SOX5: variants seen among roughly 807,000 people sequenced by gnomAD.
SOX5 encodes the protein transcription factor SOX-5.
In SOX5, 9 loss-of-function variants were observed where a neutral mutation model predicts 92.0. The ratio of observed to expected loss-of-function variants is 0.10; its 90% CI spans 0.06 to 0.17. The LOEUF (loss-of-function observed/expected upper bound fraction) is 0.17. Ranked by LOEUF, SOX5 falls within the 10% of genes least tolerant of loss-of-function variation. SOX5 has a pLI of 1.00. For missense variants in SOX5, 642 were observed against 944.5 expected, an observed-to-expected ratio of 0.68 and a Z score of 4.20; for synonymous variants, 344 against 336.3, an observed-to-expected ratio of 1.02 and a Z score of -0.25.
At chr12:23,857,661 A>G (rs1404940989) in intron 2 of SOX5, among the ~76,000 whole-genome samples, 2 of 152,184 alleles carry the variant, frequency 1.3e-5, no homozygotes, top group Non-Finnish European at 2.9e-5. Context: ...GCTAATAGCC[A>G]CTTTTAGATG....
intron 6 of SOX5, among the ~76,000 whole-genome samples, chr12:23,681,711 T>C (rs2086654460): frequency 6.6e-6 from 1 of 151,826 alleles, no homozygotes; most frequent in East Asian, 1.9e-4. Flanking sequence ...ATTCAAACTT[T>C]AGTGTTATAG....
intron 3 of SOX5, among the ~76,000 whole-genome samples, chr12:23,837,966 A>G (rs930515652): frequency 1.1e-3 from 140 of 123,798 alleles, no homozygotes; most frequent in African/African-American, 4.3e-3. Flanking sequence ...ATATGTTTAT[A>G]TTTATATAAT....
chr12:24,470,382 G>C (rs1422595226), intron 1 of SOX5, among the ~76,000 whole-genome samples: 1 of 152,174 alleles, frequency 6.6e-6, no homozygotes, highest in Non-Finnish European at 1.5e-5. Context: ...ATAATCAAGA[G>C]AAGTAAATTT....
rs577424161 is a variant in SOX5 at position 24,494,469 on chromosome 12, C to T, written c.-251+67860G>A. On this transcript the variant is annotated intron_variant, in intron 1 of 4. Transcript: ENST00000446891. ...TATAACAACAGTATGAAACAGATAG[C>T]ATAGTTTATTATTATCATAGTTCAT... Among the ~76,000 whole-genome samples the T allele has an allele frequency of 4.3e-4, 66 of 152,262 alleles. 1 individual carries two copies. The South Asian group carries it at 0.012, about 28-fold the overall frequency.
At chr12:23,534,730 A>T (rs1591819420) in intron 14 of SOX5, among the ~76,000 whole-genome samples, 1 of 121,492 alleles carries the variant, frequency 8.2e-6, no homozygotes, top group Non-Finnish European at 1.6e-5. Flanking sequence ...TTTTGAGATG[A>T]CGTAGTTTCG....
chr12:24,203,865 G>A (rs1035578119), intron 4 of SOX5, among the ~76,000 whole-genome samples: 33 of 152,184 alleles, frequency 2.2e-4, no homozygotes, highest in African/African-American at 7.5e-4. Flanking sequence ...TAAGAATATG[G>A]TTAAGTTTTC....
intron 6 of SOX5, among the ~76,000 whole-genome samples, chr12:23,725,833 G>A (rs898257400): frequency 6.6e-6 from 1 of 152,118 alleles, no homozygotes; most frequent in Non-Finnish European, 1.5e-5. Context: ...AAAGCAAACT[G>A]TGCTGGACTG....
intron 4 of SOX5, among the ~76,000 whole-genome samples, chr12:24,207,759 T>C (rs997119178): frequency 2.0e-5 from 3 of 152,184 alleles, no homozygotes; most frequent in Non-Finnish European, 2.9e-5. Flanking sequence ...CACCCTCGTC[T>C]TGCAGGCTAT....
chr12:23,918,322 G>A (rs1002529229), intron 1 of SOX5, among the ~76,000 whole-genome samples: 1 of 152,068 alleles, frequency 6.6e-6, no homozygotes, highest in Admixed American at 6.6e-5. Context: ...TTCTAATTCG[G>A]GGTAACAACG....
At chr12:23,834,779 T>C (rs1403757531) in intron 3 of SOX5, among the ~76,000 whole-genome samples, 1 of 151,782 alleles carries the variant, frequency 6.6e-6, no homozygotes, top group Non-Finnish European at 1.5e-5. Context: ...AATAGACTTG[T>C]AGATAGAAGG....
chr12:23,823,929 T>C (rs905198646), intron 3 of SOX5, among the ~76,000 whole-genome samples: 1 of 152,244 alleles, frequency 6.6e-6, no homozygotes, highest in Non-Finnish European at 1.5e-5. Context: ...TTGCGTATGC[T>C]TCACGAAGTT....
chr12:23,685,035 A>G (rs921319803), intron 6 of SOX5, among the ~76,000 whole-genome samples: 1 of 152,090 alleles, frequency 6.6e-6, no homozygotes, highest in Non-Finnish European at 1.5e-5. Flanking sequence ...TTCCTTGACT[A>G]TTTCTCATAG....
At chr12:24,427,815 C>T (rs1282357360) in intron 1 of SOX5, among the ~76,000 whole-genome samples, 1 of 152,182 alleles carries the variant, frequency 6.6e-6, no homozygotes, top group Non-Finnish European at 1.5e-5. Context: ...ATAAAACTTT[C>T]CTCCTTTCCC....
At chr12:24,087,405 T>A (rs1229623769) in intron 4 of SOX5, among the ~76,000 whole-genome samples, 2 of 152,084 alleles carry the variant, frequency 1.3e-5, no homozygotes, top group Non-Finnish European at 2.9e-5. Context: ...TTATTACTCG[T>A]CATCTCTTGC....
At position 24,517,171 on chromosome 12, in the gene SOX5, T is replaced by C. The variant is rs151041196; in HGVS notation, c.-251+45158A>G. ...GGAAACCTCAGCCAGCTGAAATGGT[T>C]GCAATATGCAATTCTATCCCCCTTT... On this transcript the variant is annotated intron_variant, in intron 1 of 4. Coordinates refer to the SOX5 transcript ENST00000446891. Among the ~76,000 whole-genome samples the C allele has an allele frequency of 5.4e-4, 82 of 152,368 alleles. 1 individual carries two copies. The highest frequency in any genetic ancestry group is 1.9e-3 in the African/African-American group (77 of 41,578).
At chr12:23,954,096 C>T (rs775359272), upstream of SOX5, among the ~76,000 whole-genome samples, 6 of 151,984 alleles carry the variant, frequency 3.9e-5, no homozygotes, top group Non-Finnish European at 8.8e-5. Context: ...TTTTTGTCCT[C>T]ATTTTAAAAG....
intron 9 of SOX5, among the ~76,000 whole-genome samples, chr12:23,578,141 A>AAAAAAAAAAAAAAAC (rs1565983838): frequency 7.3e-6 from 1 of 136,272 alleles, no homozygotes; most frequent in African/African-American, 2.7e-5. Flanking sequence ...AAAAAAAAAA[A>AAAAAAAAAAAAAAAC]AAAAAAAAAC....
chr12:24,495,988 T>G (rs1947596946), intron 1 of SOX5, among the ~76,000 whole-genome samples: 1 of 152,232 alleles, frequency 6.6e-6, no homozygotes, highest in Non-Finnish European at 1.5e-5. Flanking sequence ...ATTCCATGAC[T>G]TTATTTTATG....
intron 1 of SOX5, among the ~76,000 whole-genome samples, chr12:24,507,446 T>C (rs1329127659): frequency 6.6e-6 from 1 of 151,890 alleles, no homozygotes; most frequent in Non-Finnish European, 1.5e-5. Flanking sequence ...TGGAACACTC[T>C]ATATGACAAC....
Sources: allele counts gnomAD v4.1 joint callset (sites outside exome capture counted in the v4.1 genomes callset), GRCh38; gene constraint gnomAD v4.1.1; transcripts MANE v1.5; gene names NCBI Gene and HGNC (gene_info 2026-07-23, HGNC 2026-07-21).